The following PLCL1 variants were observed in gnomAD, a reference collection of about 807,000 sequenced individuals.
PLCL1 encodes phospholipase C like 1 (inactive).
A neutral mutation model predicts 84.4 loss-of-function variants in PLCL1; 41 were observed. That is an observed-to-expected ratio of 0.49 (90% CI 0.38 to 0.63). The LOEUF (loss-of-function observed/expected upper bound fraction) is 0.63, where lower values mean the gene tolerates loss of function less well. Ranked by LOEUF, PLCL1 falls within the 30% of genes least tolerant of loss-of-function variation. The pLI is 0.00. For missense variants in PLCL1, 1,206 were observed against 1,367.8 expected, an observed-to-expected ratio of 0.88 and a Z score of 1.87; for synonymous variants, 490 against 488.3, an observed-to-expected ratio of 1.00 and a Z score of -0.05.
intron 1 of PLCL1, among the ~76,000 whole-genome samples, chr2:197,876,843 TTGG>T (rs550824413): frequency 3.4e-4 from 52 of 152,242 alleles, no homozygotes; most frequent in African/African-American, 1.2e-3. Context: ...ATACAGCCTG[TTGG>T]TGGTATTAAT....
At chr2:198,052,076 AT>A (rs1008784801) in intron 1 of PLCL1, among the ~76,000 whole-genome samples, 46 of 152,138 alleles carry the variant, frequency 3.0e-4, no homozygotes, top group African/African-American at 1.1e-3. Flanking sequence ...TGCCCGGCTA[AT>A]TTTTTTGTAT....
rs377704772 is a variant in PLCL1 at position 198,085,697 on chromosome 2, T to A, written c.2180T>A (p.Ile727Asn). The A allele has an allele frequency of 6.2e-7, 1 of 1,613,974 alleles. No individual in the cohort carries two copies. Among genetic ancestry groups the A allele is most frequent in the African/African-American group, 1.3e-5 (1 of 74,902 alleles). ...TCTCCTCTAGCTCTTCATATCAAGA[T>A]CATCAGTGGTCAGAATTTCCCAAAG... The part of the protein sequence containing the change: ...GVSPLALHIK[I>N]ISGQNFPKPK... Residue 727 changes from isoleucine to asparagine, a missense_variant, in exon 2 of 6, where the codon ATC (isoleucine) becomes AAC (asparagine). Coordinates refer to ENST00000428675, the MANE Select transcript of PLCL1 (RefSeq NM_006226.4). The surrounding 1 kb of genome is among the most constrained non-coding windows in gnomAD (Gnocchi z 5.3).
At chr2:197,891,021 G>T (rs1688016894) in intron 1 of PLCL1, among the ~76,000 whole-genome samples, 2 of 151,092 alleles carry the variant, frequency 1.3e-5, no homozygotes, top group Admixed American at 1.3e-4. Flanking sequence ...AAAGGATAGA[G>T]TTTTAGGTTG....
intron 1 of PLCL1, among the ~76,000 whole-genome samples, chr2:198,027,033 T>G (rs1050987088): frequency 6.6e-6 from 1 of 152,066 alleles, no homozygotes; most frequent in African/African-American, 2.4e-5. Flanking sequence ...CCAAAGGAAA[T>G]TAGTATGTTG....
intron 1 of PLCL1, among the ~76,000 whole-genome samples, chr2:197,920,792 C>T (rs1179929297): frequency 1.3e-5 from 2 of 152,204 alleles, no homozygotes; most frequent in Non-Finnish European, 2.9e-5. Context: ...AAATATCCAG[C>T]ATTATTTGCA....
At chr2:197,886,411 C>CAAAAAAAAAAAAAAACAAAAAAA in intron 1 of PLCL1, among the ~76,000 whole-genome samples, 1 of 77,112 alleles carries the variant, frequency 1.3e-5, no homozygotes, top group Non-Finnish European at 2.7e-5. Context: ...GACTCTGTCT[C>CAAAAAAAAAAAAAAACAAAAAAA]AAAAAAAAAA....
intron 1 of PLCL1, among the ~76,000 whole-genome samples, chr2:197,989,949 A>T (rs1177081318): frequency 1.3e-5 from 2 of 152,182 alleles, no homozygotes. Flanking sequence ...AAATGTACAG[A>T]TAGTGCCTAC....
chr2:197,812,206 A>G (rs996726317), intron 1 of PLCL1, among the ~76,000 whole-genome samples: 14 of 152,226 alleles, frequency 9.2e-5, no homozygotes, highest in African/African-American at 3.4e-4. Flanking sequence ...TTCTTTGTCC[A>G]GTCCACCATT....
chr2:198,100,456 C>A (rs925697333), intron 3 of PLCL1, among the ~76,000 whole-genome samples: 10 of 151,962 alleles, frequency 6.6e-5, no homozygotes, highest in African/African-American at 1.7e-4. Context: ...TTGATCAGGG[C>A]AGATGGCTTA....
intron 1 of PLCL1, among the ~76,000 whole-genome samples, chr2:197,816,104 TAA>T: frequency 6.6e-6 from 1 of 152,292 alleles, no homozygotes; most frequent in East Asian, 1.9e-4. Context: ...CATTTTTCAC[TAA>T]AGAGTCAATA....
intron 1 of PLCL1, among the ~76,000 whole-genome samples, chr2:197,896,021 T>G (rs1262615500): frequency 6.6e-6 from 1 of 151,992 alleles, no homozygotes; most frequent in Non-Finnish European, 1.5e-5. Flanking sequence ...ATTTTTGGAA[T>G]GCCTGGCTGA....
chr2:197,840,897 A>G (rs901006484), intron 1 of PLCL1, among the ~76,000 whole-genome samples: 25 of 152,220 alleles, frequency 1.6e-4, no homozygotes, highest in African/African-American at 5.8e-4. Flanking sequence ...AAGATCATGG[A>G]AAAAGCTGCT....
chr2:197,984,647 G>T (rs1262601933), intron 1 of PLCL1, among the ~76,000 whole-genome samples: 3 of 152,074 alleles, frequency 2.0e-5, no homozygotes, highest in Non-Finnish European at 2.9e-5. Flanking sequence ...AAAGAGATTT[G>T]TATTTCAAAT....
chr2:198,041,045 C>T (rs1395786604), intron 1 of PLCL1, among the ~76,000 whole-genome samples: 2 of 152,168 alleles, frequency 1.3e-5, no homozygotes, highest in African/African-American at 2.4e-5. Flanking sequence ...CTTCTTAGTA[C>T]ACTCCCAAAG....
At chr2:197,888,742 A>G (rs1320471082) in intron 1 of PLCL1, among the ~76,000 whole-genome samples, 1 of 152,210 alleles carries the variant, frequency 6.6e-6, no homozygotes, top group Non-Finnish European at 1.5e-5. Flanking sequence ...TTTTTGAAAG[A>G]CAAAACTAAT....
chr2:197,917,438 A>C lies in PLCL1; in HGVS notation c.240+112099A>C, dbSNP rs551189569. Among the ~76,000 whole-genome samples the C allele has an allele frequency of 2.0e-4, 30 of 152,356 alleles. No homozygotes were observed. The South Asian group carries it at 5.8e-3, about 29-fold the overall frequency. ...ATATTCTGGAAAAGTGACTGTAGTA[A>C]TAGTAAAACTATTAGTGGTTGCTGG... On this transcript the variant is annotated intron_variant, in intron 1 of 5. Coordinates refer to ENST00000428675, the MANE Select transcript of PLCL1 (RefSeq NM_006226.4).
chr2:198,097,774 A>T (rs1306402050), intron 3 of PLCL1, among the ~76,000 whole-genome samples: 1 of 152,170 alleles, frequency 6.6e-6, no homozygotes, highest in Non-Finnish European at 1.5e-5. Flanking sequence ...TGCAAATGTG[A>T]TGCATTAGTC....
chr2:198,009,126 C>G (rs1264776268), intron 1 of PLCL1, among the ~76,000 whole-genome samples: 1 of 151,874 alleles, frequency 6.6e-6, no homozygotes, highest in Non-Finnish European at 1.5e-5. Context: ...ATTATTTTCT[C>G]CCATTTTATA....
chr2:197,948,124 A>T (rs181796596), intron 1 of PLCL1, among the ~76,000 whole-genome samples: 3 of 152,212 alleles, frequency 2.0e-5, no homozygotes, highest in African/African-American at 4.8e-5. Flanking sequence ...GAGAAACAGG[A>T]TGGTAGATGG....
Sources: gnomAD v4.1 joint callset for allele counts (sites outside exome capture counted in the v4.1 genomes callset) on GRCh38, gnomAD v4.1.1 for gene constraint, Gnocchi (gnomAD v3.1) non-coding constraint, MANE v1.5 for transcripts, NCBI Gene and HGNC (gene_info 2026-07-23, HGNC 2026-07-21) for gene names.